Variants in LBH observed in about 807,000 individuals in gnomAD.
LBH encodes the protein LBH regulator of Wnt signaling pathway.
LBH carries 7 observed loss-of-function variants against 12.5 expected under a neutral mutation model. That is an observed-to-expected ratio of 0.56 (90% CI 0.32 to 1.05). The LOEUF is 1.05. Ranked by LOEUF, LBH falls within the 50% of genes least tolerant of loss-of-function variation. LBH has a pLI of 0.04. For missense variants in LBH, 119 were observed against 138.9 expected (o/e 0.86, Z 0.72); for synonymous variants, 51 against 50.1 (o/e 1.02, Z -0.08).
At chr2:30,235,604 A>G (rs964709923) in intron 2 of LBH, among the ~76,000 whole-genome samples, 4 of 151,836 alleles carry the variant, frequency 2.6e-5, no homozygotes, top group African/African-American at 4.8e-5. Context: ...TTGTGTGTCC[A>G]CACCATGGCT....
At chr2:30,252,983 A>G (rs1330214367) in intron 2 of LBH, among the ~76,000 whole-genome samples, 1 of 152,196 alleles carries the variant, frequency 6.6e-6, no homozygotes, top group East Asian at 1.9e-4. Flanking sequence ...AGAGAGAAGG[A>G]GCACTTTGGG....
At chr2:30,240,488 G>C (rs1677773036) in intron 2 of LBH, among the ~76,000 whole-genome samples, 1 of 152,172 alleles carries the variant, frequency 6.6e-6, no homozygotes, top group African/African-American at 2.4e-5. Context: ...CTTGCTGGGG[G>C]CTTCATTCCT....
chr2:30,248,915 T>G (rs1677923226), intron 2 of LBH, among the ~76,000 whole-genome samples: 1 of 152,216 alleles, frequency 6.6e-6, no homozygotes, highest in African/African-American at 2.4e-5. Context: ...GGCTTAAGCA[T>G]CTTTGATCCA....
At position 30,231,561 on chromosome 2, in the gene LBH, T is replaced by C. The variant is rs1677584392; in HGVS notation, c.-178T>C. 2 of 617,324 alleles carry C rather than the reference T, an allele frequency of 3.2e-6. No homozygotes were observed. Among genetic ancestry groups the C allele is most frequent in the Admixed American group, 6.1e-5 (2 of 33,054 alleles). The allele number at this position is 617,324 out of a possible 1,614,324, so 38.2% of individuals were successfully genotyped here. A position where few individuals can be genotyped will look rare whatever the true frequency, so the allele number is the denominator to read the frequency against. The stretch of plus-strand genomic sequence containing the variant: ...TGAGTGCTCAGTGGAGAGCGGGGAG[T>C]TGTGTCCACCTTGCCGACGTCGCTA... On this transcript the variant is annotated 5_prime_UTR_variant, in exon 1 of 3. Coordinates refer to ENST00000395323, the MANE Select transcript of LBH (RefSeq NM_030915.4).
At chr2:30,232,247 G>GCCC in intron 1 of LBH, 4 of 395,028 alleles carry the variant, frequency 1.0e-5, no homozygotes, top group Non-Finnish European at 1.4e-5. Context: ...GGGGTGGGGG[G>GCCC]CGGGAAACGC....
At chr2:30,241,385 T>C (rs1677786370) in intron 2 of LBH, among the ~76,000 whole-genome samples, 2 of 152,170 alleles carry the variant, frequency 1.3e-5, no homozygotes, top group Non-Finnish European at 2.9e-5. Context: ...TATTTTATTA[T>C]TTTTATGCTT....
chr2:30,251,484 C>CA (rs1677977124), intron 2 of LBH, among the ~76,000 whole-genome samples: 1 of 151,574 alleles, frequency 6.6e-6, no homozygotes, highest in Non-Finnish European at 1.5e-5. Context: ...AGGATGCCTC[C>CA]GAAGAGGTGT....
At chr2:30,250,650 G>A (rs1572382669) in intron 2 of LBH, among the ~76,000 whole-genome samples, 1 of 151,836 alleles carries the variant, frequency 6.6e-6, no homozygotes, top group Non-Finnish European at 1.5e-5. Flanking sequence ...TTGATAGCCC[G>A]GTCCCTAAAT....
intron 2 of LBH, among the ~76,000 whole-genome samples, chr2:30,254,354 C>T (rs12996578): frequency 0.22 from 32,859 of 152,056 alleles, 4,235 homozygotes; most frequent in Middle Eastern, 0.31. Flanking sequence ...CTTATTGTAC[C>T]GTACCTACCT....
chr2:30,244,913 GA>G (rs1677847210), intron 2 of LBH, among the ~76,000 whole-genome samples: 1 of 151,406 alleles, frequency 6.6e-6, no homozygotes, highest in Non-Finnish European at 1.5e-5. Flanking sequence ...CAAACAAACA[GA>G]AAAAAAAGAA....
At chr2:30,252,846 G>T (rs987936050) in intron 2 of LBH, among the ~76,000 whole-genome samples, 2 of 152,188 alleles carry the variant, frequency 1.3e-5, no homozygotes, top group Non-Finnish European at 1.5e-5. Flanking sequence ...TGTAGGGCTG[G>T]GAGAATCACA....
chr2:30,257,440 C>T lies in LBH; in HGVS notation c.137C>T (p.Pro46Leu). Residue 46 changes from proline (P) to leucine (L), a missense_variant, in exon 3 of 3, where the codon CCA becomes CTA. By Grantham distance (98) the Pro-to-Leu change is moderately conservative. Coordinates refer to ENST00000395323, the MANE Select transcript of LBH (RefSeq NM_030915.4). ...RKDGLSYQIF[P>L]DPSDFDRCCK... ...GCTCTGCTTTTCTTTCAGATCTTCC[C>T]AGACCCGTCAGATTTTGACCGCTGC... is the stretch of plus-strand genomic sequence containing the variant. 2 of 1,614,084 alleles carry T rather than the reference C, an allele frequency of 1.2e-6. No homozygotes were observed. The highest frequency in any genetic ancestry group is 1.7e-6 in the Non-Finnish European group (2 of 1,179,936).
At chr2:30,236,030 T>C (rs1371991609) in intron 2 of LBH, among the ~76,000 whole-genome samples, 1 of 152,174 alleles carries the variant, frequency 6.6e-6, no homozygotes, top group Non-Finnish European at 1.5e-5. Context: ...CCAGGGGGTT[T>C]TGGGTAGCAG....
At chr2:30,233,624 T>A (rs1317863814) in intron 1 of LBH, among the ~76,000 whole-genome samples, 1 of 152,276 alleles carries the variant, frequency 6.6e-6, no homozygotes, top group Admixed American at 6.5e-5. Context: ...GATAAGGGAA[T>A]ATTCGTATCC....
chr2:30,231,728 C>T lies in LBH; in HGVS notation c.-11C>T. 1 of 1,589,728 alleles carries T rather than the reference C, an allele frequency of 6.3e-7. No homozygotes were observed. Among genetic ancestry groups the T allele is most frequent in the Non-Finnish European group, 8.6e-7 (1 of 1,168,490 alleles). ...ATCACAGGGGCGTGTGTCAGCCTGC[C>T]CTAGGACTTCATGTCTATATATTTC... On this transcript the variant is annotated 5_prime_UTR_variant, in exon 1 of 3. Coordinates refer to ENST00000395323, the MANE Select transcript of LBH (RefSeq NM_030915.4).
At position 30,259,051 on chromosome 2, in the gene LBH, G is replaced by A. The variant is rs9558; in HGVS notation, c.*1430G>A. 25,499 of 152,424 alleles carry A rather than the reference G, an allele frequency of 0.17. 2,359 individuals are homozygous for A. The highest frequency in any genetic ancestry group is 0.2 in the Non-Finnish European group (13,376 of 67,932). 9.4% of individuals were successfully genotyped at this position (152,424 alleles called of 1,614,324 possible). A position where few individuals can be genotyped will look rare whatever the true frequency, so the allele number is the denominator to read the frequency against. On this transcript the variant is annotated 3_prime_UTR_variant, in exon 3 of 3. Transcript: ENST00000395323. ...GGTTGCAGGACAAATGCTTCAGTCC[G>A]CCGAGAGCAGTACCGTGTGGCCAAG...
intron 2 of LBH, among the ~76,000 whole-genome samples, chr2:30,237,117 G>C (rs1677701202): frequency 6.6e-6 from 1 of 152,238 alleles, no homozygotes; most frequent in Admixed American, 6.5e-5. Context: ...GCTCAGGCCT[G>C]GGGGCAGGGG....
intron 2 of LBH, among the ~76,000 whole-genome samples, chr2:30,237,205 G>A (rs1329154005): frequency 6.6e-6 from 1 of 152,194 alleles, no homozygotes; most frequent in East Asian, 1.9e-4. Context: ...GCTTTTCTAA[G>A]GAACTGAGAG....
In LBH at chr2:30,238,781, G is replaced by A. The variant is rs76725602; in HGVS notation, c.129+4274G>A. Among the ~76,000 whole-genome samples the A allele has an allele frequency of 2.2e-4, 34 of 152,210 alleles. No homozygotes were observed. The East Asian group carries it at 6.0e-3, about 27-fold the overall frequency. ...GCCCTGCATTGAGAGGTGGTCTGAA[G>A]GACCATTGTGGGTGGACGACCAGCC... On this transcript the variant is annotated intron_variant, in intron 2 of 2. Coordinates refer to ENST00000395323, the MANE Select transcript of LBH (RefSeq NM_030915.4).
Sources: gnomAD v4.1 joint callset for allele counts (sites outside exome capture counted in the v4.1 genomes callset) on GRCh38, gnomAD v4.1.1 for gene constraint, MANE v1.5 for transcripts, NCBI Gene and HGNC (gene_info 2026-07-23, HGNC 2026-07-21) for gene names.